Variants in ADPRH observed in about 807,000 individuals in gnomAD.
The protein encoded by ADPRH is ADP-ribose-L-arginine cleaving enzyme.
Under a neutral mutation model 28.8 loss-of-function variants are expected in ADPRH, and 27 were observed. The observed-to-expected ratio is 0.94, with a 90% confidence interval of 0.69 to 1.29. ADPRH has a LOEUF of 1.29. Among genes scored for constraint, ADPRH ranks in the 50% most tolerant of loss-of-function variants. The pLI is 0.00. For missense variants in ADPRH, 419 were observed against 444.8 expected, an observed-to-expected ratio of 0.94 and a Z score of 0.52; for synonymous variants, 161 against 166.9, an observed-to-expected ratio of 0.96 and a Z score of 0.27.
In ADPRH at chr3:119,589,942, C is replaced by T. The variant is rs3179895; in HGVS notation, c.*2064C>T. ...AATCAATAAAGATGGTCTGACACAT[C>T]GTATGAATTTGCCATTCTTATCAAG... On this transcript the variant is annotated 3_prime_UTR_variant, in exon 5 of 5. Transcript: ENST00000357003. 484 of 152,220 alleles carry T rather than the reference C, an allele frequency of 3.2e-3. 6 individuals are homozygous for T. The highest frequency in any genetic ancestry group is 0.011 in the African/African-American group (452 of 41,536). The allele number at this position is 152,220 out of a possible 1,614,324, so 9.4% of individuals were successfully genotyped here.
chr3:119,586,500 G>C lies in ADPRH; in HGVS notation c.514G>C (p.Ala172Pro), dbSNP rs759139237. The C allele has an allele frequency of 1.2e-6, 2 of 1,614,256 alleles. No homozygotes were observed. The highest frequency in any genetic ancestry group is 1.7e-5 in the Admixed American group (1 of 60,028). Residue 172 changes from alanine to proline, a missense_variant, in exon 4 of 5, where the codon GCC becomes CCC. By Grantham distance (27) the Ala-to-Pro change is conservative. Transcript: ENST00000357003. ...CCACCACCCAACAGGCTACCTGGGGGCCCTTGCGTCTGCTCTTTTTACAGC... is the reference window on the plus strand; with the variant it reads ...CCACCACCCAACAGGCTACCTGGGGCCCCTTGCGTCTGCTCTTTTTACAGC... ...THHHPTGYLG[A>P]LASALFTAYA... is the part of the protein sequence containing the mutation.
rs2082484506 is a variant in ADPRH at position 119,588,302 on chromosome 3, A to G, written c.*424A>G. The G allele has an allele frequency of 6.5e-6, 1 of 154,930 alleles. No homozygotes were observed. The highest frequency in any genetic ancestry group is 2.4e-5 in the African/African-American group (1 of 41,522). 9.6% of individuals were successfully genotyped at this position (154,930 alleles called of 1,614,324 possible). A position where few individuals can be genotyped will look rare whatever the true frequency, so the allele number is the denominator to read the frequency against. ...GATATGAGAATGGGGAAATGAAACC[A>G]GGAAGGGAAGAGAGCTAGTATGGGG... On this transcript the variant is annotated 3_prime_UTR_variant, in exon 5 of 5. Coordinates refer to ENST00000357003, the MANE Select transcript of ADPRH (RefSeq NM_001125.4).
chr3:119,582,944 T>C (rs1041623366), intron 3 of ADPRH, among the ~76,000 whole-genome samples: 5 of 152,232 alleles, frequency 3.3e-5, no homozygotes, highest in Non-Finnish European at 7.3e-5. Context: ...TAATGTCTGA[T>C]GATCTGTGGT....
rs2082410266 is a variant in ADPRH at position 119,582,118 on chromosome 3, T to C, written c.-36-16T>C. 1 of 1,524,252 alleles carries C rather than the reference T, an allele frequency of 6.6e-7. No individual in the cohort carries two copies. The highest frequency in any genetic ancestry group is 8.8e-7 in the Non-Finnish European group (1 of 1,133,358). The allele number at this position is 1,524,252 out of a possible 1,614,324, so 94.4% of individuals were successfully genotyped here. ...GCTCCTCATCCTATTTCCTTTGTCT[T>C]AATTTCCCCACAAAGACACCCTCTC... On this transcript the variant is annotated splice_polypyrimidine_tract_variant and intron_variant, in intron 2 of 4. Coordinates refer to ENST00000357003, the MANE Select transcript of ADPRH (RefSeq NM_001125.4).
chr3:119,587,921 T>A lies in ADPRH; in HGVS notation c.*43T>A. On this transcript the variant is annotated 3_prime_UTR_variant, in exon 5 of 5. Transcript: ENST00000357003. Reference sequence around the variant, plus strand: ...TTCTGATGGATTCTTCTTTTGTGTATTTCCTTTTCTGCTATTTCTTTTCAG... The same window carrying A: ...TTCTGATGGATTCTTCTTTTGTGTAATTCCTTTTCTGCTATTTCTTTTCAG... 1 of 1,513,938 alleles carries A rather than the reference T, an allele frequency of 6.6e-7. No homozygotes were observed. Among genetic ancestry groups the A allele is most frequent in the Non-Finnish European group, 8.8e-7 (1 of 1,133,712 alleles). The allele number at this position is 1,513,938 out of a possible 1,614,324, so 93.8% of individuals were successfully genotyped here. A position where few individuals can be genotyped will look rare whatever the true frequency, so the allele number is the denominator to read the frequency against.
chr3:119,584,590 A>G (rs2082441087), intron 3 of ADPRH, among the ~76,000 whole-genome samples: 1 of 152,170 alleles, frequency 6.6e-6, no homozygotes, highest in Non-Finnish European at 1.5e-5. Context: ...AGGCTTTTGT[A>G]GAGACTTCTG....
intron 2 of ADPRH, among the ~76,000 whole-genome samples, chr3:119,580,870 T>G (rs1175634447): frequency 1.3e-5 from 2 of 152,068 alleles, no homozygotes; most frequent in African/African-American, 4.8e-5. Context: ...GTGGGTATAT[T>G]ATTAATAGAG....
At position 119,588,893 on chromosome 3, in the gene ADPRH, A is replaced by C. The variant is rs769900520; in HGVS notation, c.*1015A>C. On this transcript the variant is annotated 3_prime_UTR_variant, in exon 5 of 5. Transcript: ENST00000357003. ...AGCCAATAGGCATTAATCAGTATCTATTGAGTGTTATGAACTAGCCTCCTA... is the reference window on the plus strand; with the variant it reads ...AGCCAATAGGCATTAATCAGTATCTCTTGAGTGTTATGAACTAGCCTCCTA... 1.3e-5 allele frequency: 2 copies of C among 152,258 alleles called. No individual in the cohort carries two copies. Among genetic ancestry groups the C allele is most frequent in the Non-Finnish European group, 2.9e-5 (2 of 68,064 alleles). 9.4% of individuals were successfully genotyped at this position (152,258 alleles called of 1,614,324 possible).
intron 3 of ADPRH, 128 bp from the exon 4 acceptor site, chr3:119,586,157 G>A: frequency 1.5e-6 from 2 of 1,369,058 alleles, no homozygotes; most frequent in South Asian, 1.3e-5. Flanking sequence ...TTTGGGGCAT[G>A]CATCATCATA....
rs182018770 is a variant in ADPRH at position 119,586,692 on chromosome 3, C to T, written c.659+47C>T. The T allele has an allele frequency of 4.1e-5, 66 of 1,596,602 alleles. No individual in the cohort carries two copies. In the Admixed American group the frequency reaches 7.3e-4, roughly 18 times the overall value. On this transcript the variant is annotated intron_variant, in intron 4 of 4. Coordinates refer to ENST00000357003, the MANE Select transcript of ADPRH (RefSeq NM_001125.4). ...CTGCTCAAACACGGTTGAATCTGTG[C>T]GTGTACATCCACCTGCACATATATG...
chr3:119,585,926 C>A (rs539408336), intron 3 of ADPRH, among the ~76,000 whole-genome samples: 82 of 152,306 alleles, frequency 5.4e-4, no homozygotes, highest in Non-Finnish European at 1.0e-3. Flanking sequence ...CACTAACTAG[C>A]TGATTATGTG....
At chr3:119,580,803 G>C (rs140223784) in intron 2 of ADPRH, among the ~76,000 whole-genome samples, 167 bp downstream of exon 2, 5 of 152,132 alleles carry the variant, frequency 3.3e-5, no homozygotes, top group Admixed American at 6.5e-5. Flanking sequence ...AAAGAGGGGG[G>C]TTCTTAGGAA....
intron 3 of ADPRH, among the ~76,000 whole-genome samples, chr3:119,585,770 C>G (rs892996633): frequency 5.5e-4 from 84 of 152,224 alleles, no homozygotes; most frequent in African/African-American, 1.7e-3. Flanking sequence ...AGGATGGTCC[C>G]GATCTCCTGA....
In ADPRH at chr3:119,586,555, A is replaced by G; in HGVS notation, c.569A>G (p.Gln190Arg). ...GCTGTGAATAGCAGACCACCCTTGC[A>G]GTGGGGAAAAGGACTGATGGAGCTG... is the stretch of plus-strand genomic sequence containing the variant. Reference protein sequence around the residue: ...AYAVNSRPPLQWGKGLMELLP... With the variant: ...AYAVNSRPPLRWGKGLMELLP... Residue 190 changes from glutamine (Q) to arginine (R), a missense_variant, in exon 4 of 5, where the codon CAG becomes CGG. By Grantham distance (43) the Gln-to-Arg change is conservative. Coordinates refer to ENST00000357003, the MANE Select transcript of ADPRH (RefSeq NM_001125.4). 1 of 1,614,172 alleles carries G rather than the reference A, an allele frequency of 6.2e-7. No individual in the cohort carries two copies. Among genetic ancestry groups the G allele is most frequent in the Non-Finnish European group, 8.5e-7 (1 of 1,180,018 alleles).
rs1006346700 is a variant in ADPRH at position 119,589,675 on chromosome 3, T to C, written c.*1797T>C. The C allele has an allele frequency of 3.9e-5, 6 of 152,206 alleles. No individual in the cohort carries two copies. The highest frequency in any genetic ancestry group is 1.4e-4 in the African/African-American group (6 of 41,444). The allele number at this position is 152,206 out of a possible 1,614,324, so 9.4% of individuals were successfully genotyped here. A position where few individuals can be genotyped will look rare whatever the true frequency, so the allele number is the denominator to read the frequency against. ...ACAACAGGAAAAGGCTCTTTAGAGA[T>C]CCTATTAGATTTGCTTTGCCGATTG... On this transcript the variant is annotated 3_prime_UTR_variant, in exon 5 of 5. Transcript: ENST00000357003.
intron 2 of ADPRH, 187 bp from the exon 3 acceptor site, chr3:119,581,947 C>A: frequency 2.0e-6 from 1 of 500,808 alleles, no homozygotes; most frequent in Non-Finnish European, 3.5e-6. Flanking sequence ...TCTCCATGGT[C>A]CTCCATTTGT....
At position 119,586,361 on chromosome 3, in the gene ADPRH, T is replaced by C. The variant is rs1193341495; in HGVS notation, c.375T>C (p.His125=). 1.2e-6 allele frequency: 2 copies of C among 1,614,082 alleles called. No individual in the cohort carries two copies. Among genetic ancestry groups the C allele is most frequent in the South Asian group, 1.1e-5 (1 of 91,080 alleles). Residue 125 remains histidine, a synonymous_variant, in exon 4 of 5, where the codon CAT becomes CAC. Coordinates refer to ENST00000357003, the MANE Select transcript of ADPRH (RefSeq NM_001125.4). ...GCTGGAGGATTCCCTTCAACAGCCA[T>C]GAGGGCGGCTGTGGGGCTGCCATGC... ...PNGWRIPFNS[H]EGGCGAAMRA... is the part of the protein sequence containing the mutation.
intron 3 of ADPRH, among the ~76,000 whole-genome samples, chr3:119,585,858 G>T (rs1405656192): frequency 6.6e-6 from 1 of 152,188 alleles, no homozygotes; most frequent in African/African-American, 2.4e-5. Context: ...CTAATTGTAA[G>T]GTTCTTATTG....
In ADPRH at chr3:119,589,845, A is replaced by G. The variant is rs576284671; in HGVS notation, c.*1967A>G. On this transcript the variant is annotated 3_prime_UTR_variant, in exon 5 of 5. Coordinates refer to ENST00000357003, the MANE Select transcript of ADPRH (RefSeq NM_001125.4). ...GTGTGTATGTGTGTCAGAGAAAGAGAGAGAGAGAGAGAGAAGGGAGGATGA... is the reference window on the plus strand; with the variant it reads ...GTGTGTATGTGTGTCAGAGAAAGAGGGAGAGAGAGAGAGAAGGGAGGATGA... 6.8e-6 allele frequency: 1 copy of G among 147,962 alleles called. No homozygotes were observed. The highest frequency in any genetic ancestry group is 2.4e-5 in the African/African-American group (1 of 41,164). The allele number at this position is 147,962 out of a possible 1,614,324, so 9.2% of individuals were successfully genotyped here. A position where few individuals can be genotyped will look rare whatever the true frequency, so the allele number is the denominator to read the frequency against.
Sources: allele counts gnomAD v4.1 joint callset (sites outside exome capture counted in the v4.1 genomes callset), GRCh38; gene constraint gnomAD v4.1.1; transcripts MANE v1.5; gene names NCBI Gene and HGNC (gene_info 2026-07-23, HGNC 2026-07-21).